TMEM232: variants seen among roughly 807,000 people sequenced by gnomAD.
The protein encoded by TMEM232 is transmembrane protein 232.
Under a neutral mutation model 78.8 loss-of-function variants are expected in TMEM232, and 80 were observed. The ratio of observed to expected loss-of-function variants is 1.01; its 90% CI spans 0.85 to 1.22. The LOEUF (loss-of-function observed/expected upper bound fraction) is 1.22. TMEM232 is among the 50% of genes most tolerant of loss of function. TMEM232 has a pLI of 0.00. For synonymous variants in TMEM232, 297 were observed against 254.3 expected, an observed-to-expected ratio of 1.17 and a Z score of -1.60; for missense variants, 881 against 742.2, an observed-to-expected ratio of 1.19 and a Z score of -2.17.
intron 10 of TMEM232, among the ~76,000 whole-genome samples, chr5:110,580,158 A>G (rs915167212): frequency 2.6e-5 from 4 of 151,774 alleles, no homozygotes; most frequent in Non-Finnish European, 5.9e-5. Context: ...GAGCACCTAA[A>G]TACAGACATT....
chr5:110,410,222 T>C (rs1755941067), intron 2 of TMEM232, among the ~76,000 whole-genome samples: 1 of 152,212 alleles, frequency 6.6e-6, no homozygotes, highest in Admixed American at 6.5e-5. Flanking sequence ...TCCAATTCAT[T>C]GTGAAGGTAT....
intron 12 of TMEM232, among the ~76,000 whole-genome samples, chr5:110,501,889 A>C (rs190560343): frequency 6.6e-6 from 1 of 152,286 alleles, no homozygotes; most frequent in East Asian, 1.9e-4. Context: ...ACTTAGGTCT[A>C]ATCTTGTAGG....
At chr5:110,628,295 C>T (rs1281183306) in intron 5 of TMEM232, among the ~76,000 whole-genome samples, 4 of 151,838 alleles carry the variant, frequency 2.6e-5, no homozygotes, top group South Asian at 4.1e-4. Context: ...TTATGTTATC[C>T]GAATTGCAAT....
At chr5:110,697,519 G>C (rs549850862) in intron 1 of TMEM232, among the ~76,000 whole-genome samples, 1 of 152,004 alleles carries the variant, frequency 6.6e-6, no homozygotes, top group African/African-American at 2.4e-5. Flanking sequence ...GCAACCTACA[G>C]AATGGGAGAA....
At position 110,613,647 on chromosome 5, in the gene TMEM232, G is replaced by A. The variant is rs1047520287; in HGVS notation, c.902+4782C>T. Among the ~76,000 whole-genome samples, 3 of 151,922 alleles carry A rather than the reference G, an allele frequency of 2.0e-5. No homozygotes were observed. In the South Asian group the frequency reaches 6.2e-4, roughly 32 times the overall value. The stretch of plus-strand genomic sequence containing the variant: ...AAGTCTTAATGCATCATCAGGGCCT[G>A]GTGCCTCAATATTTCTTTTTCATTC... On this transcript the variant is annotated intron_variant, in intron 8 of 13. Transcript: ENST00000455884.
At chr5:110,545,992 G>C (rs1365478827) in intron 11 of TMEM232, among the ~76,000 whole-genome samples, 1 of 152,082 alleles carries the variant, frequency 6.6e-6, no homozygotes, top group Non-Finnish European at 1.5e-5. Flanking sequence ...GTGAGTATAT[G>C]ACAGTTTTTT....
intron 10 of TMEM232, among the ~76,000 whole-genome samples, chr5:110,571,507 G>A (rs1561710647): frequency 1.3e-5 from 2 of 151,756 alleles, no homozygotes; most frequent in Non-Finnish European, 2.9e-5. Context: ...ATGAAGCTAA[G>A]GTGGACAGTT....
intron 12 of TMEM232, among the ~76,000 whole-genome samples, chr5:110,446,950 G>A (rs1483260197): frequency 6.6e-6 from 1 of 151,718 alleles, no homozygotes; most frequent in Non-Finnish European, 1.5e-5. Context: ...AGTCAGTAAA[G>A]CTAGAGTTTA....
At chr5:110,693,048 A>AC (rs1227100457) in intron 1 of TMEM232, among the ~76,000 whole-genome samples, 22 of 151,874 alleles carry the variant, frequency 1.4e-4, no homozygotes, top group African/African-American at 5.3e-4. Context: ...ACTGGGAAGC[A>AC]CCCCCCAGTA....
chr5:110,422,782 C>G (rs1390952759), intron 13 of TMEM232, among the ~76,000 whole-genome samples: 3 of 152,028 alleles, frequency 2.0e-5, no homozygotes, highest in African/African-American at 7.2e-5. Context: ...TAGGAAAAAG[C>G]ATACTTTCTT....
At chr5:110,474,639 CT>C (rs1412470600) in intron 12 of TMEM232, among the ~76,000 whole-genome samples, 1 of 151,822 alleles carries the variant, frequency 6.6e-6, no homozygotes, top group East Asian at 1.9e-4. Context: ...TCCTTAGTGA[CT>C]TTTATACTTA....
intron 2 of TMEM232, among the ~76,000 whole-genome samples, chr5:110,656,724 G>A (rs2150083708): frequency 6.6e-6 from 1 of 151,972 alleles, no homozygotes; most frequent in East Asian, 1.9e-4. Context: ...GGTAGTCCCA[G>A]CTACTCAGGA....
chr5:110,512,750 C>T (rs59584339), intron 12 of TMEM232, among the ~76,000 whole-genome samples: 6,081 of 152,074 alleles, frequency 0.04, 194 homozygotes, highest in African/African-American at 0.085. Context: ...AAAGAGCACA[C>T]AAAAAACAAA....
At chr5:110,508,410 A>T (rs1206001407) in intron 12 of TMEM232, among the ~76,000 whole-genome samples, 3 of 150,976 alleles carry the variant, frequency 2.0e-5, no homozygotes, top group South Asian at 2.1e-4. Context: ...TATATATATA[A>T]AATACATATT....
At chr5:110,666,702 TCTC>T (rs1320406369) in intron 2 of TMEM232, 6 of 151,866 alleles carry the variant, frequency 4.0e-5, no homozygotes, top group Non-Finnish European at 7.4e-5. Flanking sequence ...GATAACAACT[TCTC>T]CTGCTACTTT....
At chr5:110,410,575 A>G (rs1320490026) in intron 2 of TMEM232, among the ~76,000 whole-genome samples, 10 of 152,224 alleles carry the variant, frequency 6.6e-5, no homozygotes, top group Admixed American at 6.5e-4. Flanking sequence ...TGGGCAACTT[A>G]GTTCTTTTAG....
chr5:110,556,716 C>A (rs1421360911), intron 11 of TMEM232, among the ~76,000 whole-genome samples: 3 of 152,138 alleles, frequency 2.0e-5, no homozygotes, highest in African/African-American at 7.2e-5. Flanking sequence ...TCCCCAATTT[C>A]TTCTGGCTTG....
chr5:110,428,790 T>C (rs1757518163), intron 12 of TMEM232, among the ~76,000 whole-genome samples: 1 of 151,732 alleles, frequency 6.6e-6, no homozygotes, highest in Non-Finnish European at 1.5e-5. Flanking sequence ...CATCTCGAGA[T>C]CCTTACTTTA....
intron 10 of TMEM232, among the ~76,000 whole-genome samples, chr5:110,593,044 A>G (rs752613644): frequency 6.6e-6 from 1 of 152,196 alleles, no homozygotes; most frequent in Non-Finnish European, 1.5e-5. Flanking sequence ...TACCAAACAG[A>G]AACAAGTGTG....
Sources: allele counts gnomAD v4.1 joint callset (sites outside exome capture counted in the v4.1 genomes callset), GRCh38; gene constraint gnomAD v4.1.1; transcripts MANE v1.5; gene names NCBI Gene and HGNC (gene_info 2026-07-23, HGNC 2026-07-21).